The following SLC25A48 variants were observed in gnomAD, a reference collection of about 807,000 sequenced individuals.
The protein encoded by SLC25A48 is CTC-321K16.1.
In SLC25A48, 29 loss-of-function variants were observed where a neutral mutation model predicts 32.2. The observed-to-expected ratio is 0.90, with a 90% CI of 0.67 to 1.23. The LOEUF (loss-of-function observed/expected upper bound fraction) is 1.23, where lower values mean the gene tolerates loss of function less well. SLC25A48 is among the 50% of genes most tolerant of loss of function. The pLI, the probability that SLC25A48 is intolerant of heterozygous loss-of-function variation, is 0.00. For synonymous variants in SLC25A48, 164 were observed against 172.3 expected, an observed-to-expected ratio of 0.95 and a Z score of 0.38; for missense variants, 399 against 422.7, an observed-to-expected ratio of 0.94 and a Z score of 0.49.
chr5:135,692,385 C>T (rs1318308316), intron 3 of SLC25A48, among the ~76,000 whole-genome samples: 3 of 59,492 alleles, frequency 5.0e-5, no homozygotes, highest in East Asian at 2.9e-4. Context: ...GGATTCTTTT[C>T]GGATGAGCCA....
chr5:135,755,736 A>G (rs1755884215), intron 3 of SLC25A48, among the ~76,000 whole-genome samples: 1 of 151,800 alleles, frequency 6.6e-6, no homozygotes, highest in Non-Finnish European at 1.5e-5. Context: ...TATTAAGGAA[A>G]TATCGCTGTG....
rs1319370748 is a variant in SLC25A48 at position 135,758,396 on chromosome 5, G to A, written c.-520-54127G>A. On this transcript the variant is annotated intron_variant, in intron 3 of 10. Coordinates refer to the SLC25A48 transcript ENST00000646290. ...GTGTTAACATACTGTGATATTAATA[G>A]AATATTATCTATGATATCTATCACA... 2.7e-5 allele frequency among the ~76,000 whole-genome samples: 4 copies of A among 150,542 alleles called. No homozygotes were observed. In the South Asian group the frequency reaches 6.3e-4, roughly 24 times the overall value.
intron 3 of SLC25A48, among the ~76,000 whole-genome samples, chr5:135,635,615 GT>G (rs1752682591): frequency 6.6e-6 from 1 of 152,212 alleles, no homozygotes; most frequent in Non-Finnish European, 1.5e-5. Context: ...GCTGGTAAAT[GT>G]TTAACAAGTG....
chr5:135,734,735 T>G (rs1755313463), intron 3 of SLC25A48, among the ~76,000 whole-genome samples: 1 of 148,678 alleles, frequency 6.7e-6, no homozygotes, highest in Non-Finnish European at 1.5e-5. Context: ...GAGAGTGGCG[T>G]GAACCTGGGA....
chr5:135,792,636 G>A (rs776262678), intron 3 of SLC25A48, among the ~76,000 whole-genome samples: 1 of 151,570 alleles, frequency 6.6e-6, no homozygotes, highest in Non-Finnish European at 1.5e-5. Flanking sequence ...GATATTATTC[G>A]TAACATCCCC....
At chr5:135,747,139 G>C (rs999399264) in intron 3 of SLC25A48, among the ~76,000 whole-genome samples, 10 of 151,876 alleles carry the variant, frequency 6.6e-5, no homozygotes. Context: ...TAATTAACAA[G>C]TATTCTCTGG....
intron 1 of SLC25A48, among the ~76,000 whole-genome samples, chr5:135,618,512 T>G (rs1016037209): frequency 6.6e-5 from 10 of 152,184 alleles, no homozygotes; most frequent in African/African-American, 2.4e-4. Context: ...TCTTATTGTT[T>G]ATCATTGTGG....
chr5:135,697,805 C>A (rs999195113), intron 3 of SLC25A48, among the ~76,000 whole-genome samples: 1 of 152,198 alleles, frequency 6.6e-6, no homozygotes, highest in South Asian at 2.1e-4. Context: ...AATGCATCAG[C>A]AGGCTCCTGG....
At chr5:135,656,204 G>A (rs1203366427) in intron 3 of SLC25A48, among the ~76,000 whole-genome samples, 2 of 152,070 alleles carry the variant, frequency 1.3e-5, no homozygotes, top group African/African-American at 4.8e-5. Context: ...TGTCCCTCTT[G>A]GGACTCCTTC....
chr5:135,836,093 G>C (rs1297408155), intron 1 of SLC25A48, among the ~76,000 whole-genome samples: 1 of 152,186 alleles, frequency 6.6e-6, no homozygotes, highest in African/African-American at 2.4e-5. Context: ...AGACACTTCC[G>C]TGGGCTGCCC....
At chr5:135,867,888 G>T (rs1581032542) in intron 4 of SLC25A48, among the ~76,000 whole-genome samples, 1 of 152,268 alleles carries the variant, frequency 6.6e-6, no homozygotes, top group African/African-American at 2.4e-5. Flanking sequence ...TACAACCACT[G>T]CCCCAGAGAA....
intron 3 of SLC25A48, among the ~76,000 whole-genome samples, chr5:135,637,275 G>A (rs959451550): frequency 3.3e-5 from 5 of 152,290 alleles, no homozygotes; most frequent in South Asian, 2.1e-4. Context: ...GGAAAGCTTC[G>A]TAAAGAGGTG....
chr5:135,828,338 G>C (rs925858366), intron 4 of SLC25A48, among the ~76,000 whole-genome samples: 4 of 152,218 alleles, frequency 2.6e-5, no homozygotes, highest in Admixed American at 6.5e-5. Context: ...GTGTTACTGC[G>C]TGCCAGTCAT....
At chr5:135,685,504 C>T (rs937176617) in intron 3 of SLC25A48, among the ~76,000 whole-genome samples, 19 of 146,158 alleles carry the variant, frequency 1.3e-4, no homozygotes, top group African/African-American at 2.0e-4. Flanking sequence ...GCAATCTTGG[C>T]GCACTGCAAC....
chr5:135,807,983 T>C lies in SLC25A48; in HGVS notation c.-520-4540T>C, dbSNP rs370940852. 4.4e-4 allele frequency among the ~76,000 whole-genome samples: 67 copies of C among 150,920 alleles called. 1 individual carries two copies. The highest frequency in any genetic ancestry group is 1.6e-3 in the African/African-American group (66 of 41,476). ...CACTGTATGTTAACACAAGGTCATG[T>C]AAATATCATACATATTTTCTTAATA... is the stretch of plus-strand genomic sequence containing the variant. On this transcript the variant is annotated intron_variant, in intron 3 of 10. Coordinates refer to the SLC25A48 transcript ENST00000646290.
At chr5:135,860,304 A>G (rs1760677026) in intron 4 of SLC25A48, among the ~76,000 whole-genome samples, 1 of 152,098 alleles carries the variant, frequency 6.6e-6, no homozygotes, top group Non-Finnish European at 1.5e-5. Flanking sequence ...TCTATGTTTC[A>G]TTTTTCCTCT....
intron 1 of SLC25A48, among the ~76,000 whole-genome samples, chr5:135,581,085 A>C (rs746758052): frequency 2.0e-5 from 3 of 152,172 alleles, no homozygotes; most frequent in Non-Finnish European, 2.9e-5. Context: ...TGAGATGGAG[A>C]TGATAATAAT....
intron 1 of SLC25A48, among the ~76,000 whole-genome samples, chr5:135,593,447 C>G (rs1201306126): frequency 2.6e-5 from 4 of 152,204 alleles, no homozygotes; most frequent in African/African-American, 9.7e-5. Context: ...TAGCCTCTGG[C>G]AGATCCAATC....
chr5:135,880,161 A>G, intron 7 of SLC25A48, 64 bp downstream of exon 7: 1 of 1,338,576 alleles, frequency 7.5e-7, no homozygotes, highest in African/African-American at 1.5e-5. Context: ...TTTTTTTTTT[A>G]TCATGAGAAT....
Sources: allele counts gnomAD v4.1 joint callset (sites outside exome capture counted in the v4.1 genomes callset), GRCh38; gene constraint gnomAD v4.1.1; transcripts MANE v1.5; gene names NCBI Gene and HGNC (gene_info 2026-07-23, HGNC 2026-07-21).